Variants in SYT9 observed in about 807,000 individuals in gnomAD.
SYT9 encodes synaptotagmin-9.
In SYT9, 22 loss-of-function variants were observed where a neutral mutation model predicts 48.4. The ratio of observed to expected loss-of-function variants is 0.45; its 90% CI spans 0.32 to 0.65. The LOEUF (loss-of-function observed/expected upper bound fraction) is 0.65. Ranked by LOEUF, SYT9 falls within the 30% of genes least tolerant of loss-of-function variation. The probability of loss-of-function intolerance (pLI) is 0.03; values close to 1 mark genes in which losing one functional copy is unlikely to be tolerated. For missense variants in SYT9, 577 were observed against 622.0 expected, an observed-to-expected ratio of 0.93 and a Z score of 0.77; for synonymous variants, 265 against 245.0, an observed-to-expected ratio of 1.08 and a Z score of -0.76.
At chr11:7,381,872 A>G (rs137969856) in intron 3 of SYT9, among the ~76,000 whole-genome samples, 1 of 152,328 alleles carries the variant, frequency 6.6e-6, no homozygotes, top group African/African-American at 2.4e-5. Flanking sequence ...GCAGCTTCCT[A>G]CGTGGTGGAT....
intron 3 of SYT9, among the ~76,000 whole-genome samples, chr11:7,335,747 G>C (rs376577785): frequency 6.6e-6 from 1 of 151,916 alleles, no homozygotes; most frequent in African/African-American, 2.4e-5. Context: ...CCAATCTGCC[G>C]TTGATGGGCA....
chr11:7,260,216 A>G (rs2119808668), intron 1 of SYT9, among the ~76,000 whole-genome samples: 1 of 152,336 alleles, frequency 6.6e-6, no homozygotes, highest in Admixed American at 6.5e-5. Context: ...AATAATGGCA[A>G]TTAATAAAAT....
intron 1 of SYT9, among the ~76,000 whole-genome samples, chr11:7,293,525 C>T (rs755931889): frequency 1.3e-5 from 2 of 152,160 alleles, no homozygotes; most frequent in African/African-American, 2.4e-5. Context: ...AAGTTTTAGC[C>T]TTCAGTTAAT....
intron 3 of SYT9, 68 bp downstream of exon 3, chr11:7,314,009 C>T (rs1849196244): frequency 7.2e-6 from 11 of 1,523,082 alleles, no homozygotes; most frequent in Non-Finnish European, 9.7e-6. Flanking sequence ...AGATTACTTA[C>T]ACATTATCTT....
chr11:7,293,362 G>C (rs1326953208), intron 1 of SYT9, among the ~76,000 whole-genome samples: 1 of 152,156 alleles, frequency 6.6e-6, no homozygotes, highest in Non-Finnish European at 1.5e-5. Flanking sequence ...TAAGGCAGCA[G>C]AGTGCTCTGT....
At chr11:7,286,836 C>T (rs1026454119) in intron 1 of SYT9, among the ~76,000 whole-genome samples, 8 of 152,144 alleles carry the variant, frequency 5.3e-5, no homozygotes, top group Admixed American at 3.9e-4. Flanking sequence ...AAGACCACCT[C>T]AGCCTGGACT....
chr11:7,454,381 G>C (rs1405206203), intron 6 of SYT9: 1 of 879,500 alleles, frequency 1.1e-6, no homozygotes, highest in Non-Finnish European at 1.4e-6. Flanking sequence ...GAGGCCTTCA[G>C]CTGCTTCTCC....
chr11:7,289,837 G>T (rs1168016833), intron 1 of SYT9, among the ~76,000 whole-genome samples: 2 of 152,190 alleles, frequency 1.3e-5, no homozygotes. Flanking sequence ...CAATTGCTAT[G>T]CATGACTACT....
chr11:7,462,739 A>T (rs140743665), intron 6 of SYT9, among the ~76,000 whole-genome samples: 46 of 152,358 alleles, frequency 3.0e-4, no homozygotes, highest in Non-Finnish European at 5.0e-4. Flanking sequence ...TAAGTACATA[A>T]TAAGATTAAA....
intron 6 of SYT9, among the ~76,000 whole-genome samples, chr11:7,464,888 A>G (rs71472652): frequency 1.3e-5 from 2 of 151,818 alleles, no homozygotes; most frequent in African/African-American, 2.4e-5. Context: ...CAAGACCATC[A>G]TGGCTAACAC....
chr11:7,433,094 G>C (rs1847642455), intron 6 of SYT9, among the ~76,000 whole-genome samples: 1 of 152,060 alleles, frequency 6.6e-6, no homozygotes, highest in Non-Finnish European at 1.5e-5. Context: ...GGGAGTTCTT[G>C]CAAGATCTGG....
chr11:7,320,765 C>T (rs760014035), intron 3 of SYT9, among the ~76,000 whole-genome samples: 11 of 152,272 alleles, frequency 7.2e-5, no homozygotes, highest in Admixed American at 3.9e-4. Context: ...AAGAACAAAA[C>T]GGCAATTATT....
chr11:7,330,264 CAG>C (rs1207868271), intron 3 of SYT9, among the ~76,000 whole-genome samples: 4 of 152,162 alleles, frequency 2.6e-5, no homozygotes, highest in South Asian at 4.1e-4. Context: ...GGATGGATAT[CAG>C]GGGTATAATG....
rs564778384 is a variant in SYT9 at position 7,410,981 on chromosome 11, A to G, written c.1045-5061A>G. 4.6e-4 allele frequency among the ~76,000 whole-genome samples: 70 copies of G among 152,164 alleles called. 1 individual carries two copies. The highest frequency in any genetic ancestry group is 6.8e-3 in the Middle Eastern group (2 of 294). On this transcript the variant is annotated intron_variant, in intron 3 of 6. Transcript: ENST00000318881. ...GTGATTCTCCTGCCTCAGCCTCCCA[A>G]GTAGTTTGGATTACAGGCACCTGGC... is the stretch of plus-strand genomic sequence containing the variant.
chr11:7,457,951 G>A (rs953693536), intron 6 of SYT9: 1 of 152,158 alleles, frequency 6.6e-6, no homozygotes, highest in Non-Finnish European at 1.5e-5. Context: ...TTGCTGTATT[G>A]TAAGAATTCT....
chr11:7,430,824 A>G (rs1847555594), intron 6 of SYT9, among the ~76,000 whole-genome samples: 2 of 152,158 alleles, frequency 1.3e-5, no homozygotes, highest in Admixed American at 1.3e-4. Context: ...CCCACCAGAA[A>G]CCAAGCAGAT....
intron 3 of SYT9, among the ~76,000 whole-genome samples, chr11:7,340,696 T>C (rs1849697594): frequency 6.6e-6 from 1 of 152,154 alleles, no homozygotes; most frequent in Non-Finnish European, 1.5e-5. Context: ...GCAGACTCTC[T>C]AGAGCCTGGA....
intron 3 of SYT9, among the ~76,000 whole-genome samples, chr11:7,344,452 G>A (rs59771894): frequency 0.027 from 4,122 of 152,144 alleles, 132 homozygotes; most frequent in African/African-American, 0.073. Flanking sequence ...TTTCAGTGGC[G>A]TGTCAAAGAA....
chr11:7,387,466 T>G (rs1850683873), intron 3 of SYT9, among the ~76,000 whole-genome samples: 1 of 152,176 alleles, frequency 6.6e-6, no homozygotes, highest in South Asian at 2.1e-4. Context: ...TTTTAATAAT[T>G]TATCTGTAGT....
Sources: allele counts gnomAD v4.1 joint callset (sites outside exome capture counted in the v4.1 genomes callset), GRCh38; gene constraint gnomAD v4.1.1; transcripts MANE v1.5; gene names NCBI Gene and HGNC (gene_info 2026-07-23, HGNC 2026-07-21).